TDRD7: variants seen among roughly 807,000 people sequenced by gnomAD.
TDRD7 encodes the protein tudor domain-containing protein 7.
In TDRD7, 47 loss-of-function variants were observed where a neutral mutation model predicts 109.8. That is an observed-to-expected ratio of 0.43 (90% CI 0.34 to 0.55). The LOEUF (loss-of-function observed/expected upper bound fraction) is 0.55. Among genes scored for constraint, TDRD7 ranks in the 20% least tolerant of loss-of-function variants. TDRD7 has a pLI of 0.03. For missense variants in TDRD7, 1,164 were observed against 1,319.2 expected (o/e 0.88, Z 1.82); for synonymous variants, 424 against 457.3 (o/e 0.93, Z 0.93).
intron 15 of TDRD7, among the ~76,000 whole-genome samples, chr9:97,484,756 GT>G (rs1564215694): frequency 6.6e-6 from 1 of 152,186 alleles, no homozygotes; most frequent in African/African-American, 2.4e-5. Flanking sequence ...AATTCAGCTT[GT>G]GTAGGTTTGC....
intron 1 of TDRD7, among the ~76,000 whole-genome samples, chr9:97,421,696 TTTTGTG>T (rs1827902226): frequency 8.4e-6 from 1 of 119,388 alleles, no homozygotes; most frequent in African/African-American, 3.3e-5. Flanking sequence ...TATGCCCAGC[TTTTGTG>T]TGTGTGTGTG....
At chr9:97,458,542 C>G (rs1828658771) in intron 6 of TDRD7, among the ~76,000 whole-genome samples, 1 of 152,052 alleles carries the variant, frequency 6.6e-6, no homozygotes, top group African/African-American at 2.4e-5. Context: ...TAAACTGCGC[C>G]AATCATATAA....
rs890014354 is a variant in TDRD7 at position 97,415,255 on chromosome 9, A to C, written c.-7+3017A>C. 2.0e-5 allele frequency among the ~76,000 whole-genome samples: 3 copies of C among 152,360 alleles called. No individual in the cohort carries two copies. In the South Asian group the frequency reaches 6.2e-4, roughly 32 times the overall value. Reference sequence around the variant, plus strand: ...ATACAGTTGGAAATAGTTGAGCAAGAAGAAACTTAGAAAAGAGAAGGCATA... The same window carrying C: ...ATACAGTTGGAAATAGTTGAGCAAGCAGAAACTTAGAAAAGAGAAGGCATA... On this transcript the variant is annotated intron_variant, in intron 1 of 16. Coordinates refer to ENST00000355295, the MANE Select transcript of TDRD7 (RefSeq NM_014290.3).
chr9:97,433,176 C>T (rs540272111), intron 4 of TDRD7, among the ~76,000 whole-genome samples: 17 of 152,168 alleles, frequency 1.1e-4, no homozygotes, highest in Admixed American at 3.9e-4. Flanking sequence ...AATTTCCCCC[C>T]AGGAACTTTC....
At chr9:97,421,781 G>A (rs1587857334) in intron 1 of TDRD7, among the ~76,000 whole-genome samples, 1 of 149,358 alleles carries the variant, frequency 6.7e-6, no homozygotes, top group Non-Finnish European at 1.5e-5. Flanking sequence ...GGCGAGTCTC[G>A]AACTCCTGAG....
intron 1 of TDRD7, among the ~76,000 whole-genome samples, chr9:97,426,486 A>G (rs1428173680): frequency 6.6e-6 from 1 of 152,184 alleles, no homozygotes; most frequent in Non-Finnish European, 1.5e-5. Flanking sequence ...TCCTGGGCTC[A>G]AGTGATTCTG....
intron 1 of TDRD7, among the ~76,000 whole-genome samples, chr9:97,423,478 T>C (rs1209837450): frequency 2.0e-5 from 3 of 152,060 alleles, no homozygotes; most frequent in Non-Finnish European, 4.4e-5. Context: ...ATGATTCTTT[T>C]CTCTCCTATT....
chr9:97,427,990 C>T (rs2118276930), intron 1 of TDRD7, among the ~76,000 whole-genome samples: 1 of 152,304 alleles, frequency 6.6e-6, no homozygotes, highest in Admixed American at 6.5e-5. Flanking sequence ...GTCTGCCCCT[C>T]CCTGGCCCTC....
At position 97,488,560 on chromosome 9, in the gene TDRD7, G is replaced by GTTT. The variant is rs61689126; in HGVS notation, c.3076+1245_3076+1247dup. On this transcript the variant is annotated intron_variant, in intron 16 of 16. Transcript: ENST00000355295. ...CAGACCTTCTTCTTCAGATTTAATG[G>GTTT]TTTTTTTTTTTTTTTTTTTGTTTTC... is the stretch of plus-strand genomic sequence containing the variant. Among the ~76,000 whole-genome samples, 104 of 140,606 alleles carry GTTT rather than the reference G, an allele frequency of 7.4e-4. 2 individuals carry two copies. Among genetic ancestry groups the GTTT allele is most frequent in the Middle Eastern group, 4.0e-3 (1 of 250 alleles). 92.2% of individuals were successfully genotyped at this position (140,606 alleles called of 152,430 possible).
intron 7 of TDRD7, among the ~76,000 whole-genome samples, chr9:97,463,625 C>T (rs766213284): frequency 5.3e-5 from 8 of 152,064 alleles, no homozygotes; most frequent in Non-Finnish European, 8.8e-5. Flanking sequence ...GCTAAAAAGG[C>T]CTCGATCCTA....
At chr9:97,421,698 T>TTGTGTGTGTG (rs59218055) in intron 1 of TDRD7, among the ~76,000 whole-genome samples, 5 of 142,864 alleles carry the variant, frequency 3.5e-5, no homozygotes, top group Non-Finnish European at 6.1e-5. Context: ...TGCCCAGCTT[T>TTGTGTGTGTG]TGTGTGTGTG....
chr9:97,475,741 A>C (rs1031703426), intron 12 of TDRD7, among the ~76,000 whole-genome samples: 7 of 152,150 alleles, frequency 4.6e-5, no homozygotes, highest in Admixed American at 4.6e-4. Flanking sequence ...GTAGATACAC[A>C]CTTTTACTAT....
chr9:97,426,691 T>C (rs1828001168), intron 1 of TDRD7, among the ~76,000 whole-genome samples: 1 of 152,236 alleles, frequency 6.6e-6, no homozygotes, highest in Non-Finnish European at 1.5e-5. Context: ...TTACAGAACC[T>C]CTTTTATATA....
intron 7 of TDRD7, among the ~76,000 whole-genome samples, chr9:97,463,957 G>T (rs1302987760): frequency 6.6e-6 from 1 of 152,142 alleles, no homozygotes; most frequent in Non-Finnish European, 1.5e-5. Flanking sequence ...AATAAGTTTG[G>T]AGGGGGGGTG....
intron 1 of TDRD7, among the ~76,000 whole-genome samples, chr9:97,427,293 A>G (rs1828015199): frequency 6.6e-6 from 1 of 152,024 alleles, no homozygotes; most frequent in Non-Finnish European, 1.5e-5. Context: ...CATTAGTCCA[A>G]AGGAAATGAT....
intron 6 of TDRD7, among the ~76,000 whole-genome samples, chr9:97,458,282 T>C (rs962824931): frequency 6.6e-6 from 1 of 152,220 alleles, no homozygotes; most frequent in African/African-American, 2.4e-5. Context: ...TGGGATTCTA[T>C]ATGGCAAGTT....
chr9:97,418,790 AC>A (rs1420188072), intron 1 of TDRD7, among the ~76,000 whole-genome samples: 1 of 152,100 alleles, frequency 6.6e-6, no homozygotes, highest in Non-Finnish European at 1.5e-5. Context: ...GTAACAGGAC[AC>A]CCATTAGTAA....
intron 7 of TDRD7, among the ~76,000 whole-genome samples, chr9:97,463,853 A>T (rs1027567120): frequency 2.6e-5 from 4 of 152,348 alleles, no homozygotes; most frequent in Middle Eastern, 6.8e-3. Flanking sequence ...ATTTCTCAAC[A>T]AGCATACAGT....
At chr9:97,457,429 C>T (rs1053695980) in intron 6 of TDRD7, among the ~76,000 whole-genome samples, 14 of 151,812 alleles carry the variant, frequency 9.2e-5, no homozygotes, top group African/African-American at 3.1e-4. Flanking sequence ...CCTGGGCTGG[C>T]GTGCAATGGC....
Sources: allele counts gnomAD v4.1 joint callset (sites outside exome capture counted in the v4.1 genomes callset), GRCh38; gene constraint gnomAD v4.1.1; transcripts MANE v1.5; gene names NCBI Gene and HGNC (gene_info 2026-07-23, HGNC 2026-07-21).